Variants in AK5 observed in about 807,000 individuals in gnomAD.
AK5 encodes adenylate kinase 5, also known as adenylate kinase isoenzyme 5.
A neutral mutation model predicts 69.5 loss-of-function variants in AK5; 27 were observed. That is an observed-to-expected ratio of 0.39 (90% CI 0.29 to 0.54). The LOEUF (loss-of-function observed/expected upper bound fraction) is 0.54, where lower values mean the gene tolerates loss of function less well. AK5 is among the 20% of genes least tolerant of loss of function. AK5 has a pLI of 0.71. For missense variants in AK5, 531 were observed against 700.4 expected, an observed-to-expected ratio of 0.76 and a Z score of 2.73; for synonymous variants, 260 against 244.4, an observed-to-expected ratio of 1.06 and a Z score of -0.60.
At chr1:77,287,311 T>C (rs1167204) in intron 2 of AK5, among the ~76,000 whole-genome samples, 184 bp downstream of exon 2, 150,120 of 152,350 alleles carry the variant, frequency 0.99, 74,004 homozygotes, top group Middle Eastern at 1. Context: ...AACAAAATTA[T>C]CTACCATTGT....
chr1:77,321,148 T>C lies in AK5; in HGVS notation c.700-19229T>C, dbSNP rs80127162. On this transcript the variant is annotated intron_variant, in intron 5 of 13. Coordinates refer to ENST00000354567, the MANE Select transcript of AK5 (RefSeq NM_174858.3). Reference sequence around the variant, plus strand: ...GTGATTTTGAGTGTGTATGGTACATTCACCAAGATAAACCATTTACTAAGC... The same window carrying C: ...GTGATTTTGAGTGTGTATGGTACATCCACCAAGATAAACCATTTACTAAGC... Among the ~76,000 whole-genome samples, 1,172 of 152,214 alleles carry C rather than the reference T, an allele frequency of 7.7e-3. 17 individuals carry two copies. Among genetic ancestry groups the C allele is most frequent in the African/African-American group, 0.027 (1,117 of 41,532 alleles).
intron 6 of AK5, chr1:77,349,718 T>A (rs923085134): frequency 6.6e-6 from 1 of 152,224 alleles, no homozygotes; most frequent in Non-Finnish European, 1.5e-5. Context: ...AAGCACACAT[T>A]AGAAGTGAAG....
intron 8 of AK5, chr1:77,420,230 C>A (rs564499270): frequency 2.6e-5 from 4 of 151,872 alleles, no homozygotes; most frequent in African/African-American, 9.7e-5. Flanking sequence ...AATGGTATGC[C>A]CTCATTAAAG....
intron 13 of AK5, among the ~76,000 whole-genome samples, chr1:77,552,923 T>A (rs1659890124): frequency 6.6e-6 from 1 of 152,250 alleles, no homozygotes; most frequent in South Asian, 2.1e-4. Context: ...GCCTGTAGTC[T>A]CAGCTAATCA....
At position 77,444,158 on chromosome 1, in the gene AK5, TCTCTCA is replaced by T. The variant is rs1185868048; in HGVS notation, c.1059+26449_1059+26454del. ...AGTAACTGCTATTTTATTCTCTCTCTCTCTCACTCTCTCTCTATATATATGTCAGAT... is the reference window on the plus strand; with the variant it reads ...AGTAACTGCTATTTTATTCTCTCTCTCTCTCTCTCTATATATATGTCAGAT... On this transcript the variant is annotated intron_variant, in intron 8 of 13. Coordinates refer to ENST00000354567, the MANE Select transcript of AK5 (RefSeq NM_174858.3). Among the ~76,000 whole-genome samples the T allele has an allele frequency of 3.5e-3, 489 of 140,252 alleles. 4 individuals carry two copies. The highest frequency in any genetic ancestry group is 0.013 in the African/African-American group (467 of 35,484). 92.0% of individuals were successfully genotyped at this position (140,252 alleles called of 152,430 possible).
At chr1:77,426,984 A>AT (rs1256434927) in intron 8 of AK5, among the ~76,000 whole-genome samples, 1 of 152,152 alleles carries the variant, frequency 6.6e-6, no homozygotes, top group African/African-American at 2.4e-5. Context: ...AAAAGCAGTG[A>AT]TAATGGGGAA....
intron 5 of AK5, among the ~76,000 whole-genome samples, chr1:77,310,791 A>G (rs1471594071): frequency 2.0e-5 from 3 of 152,142 alleles, no homozygotes; most frequent in Non-Finnish European, 4.4e-5. Flanking sequence ...TATAGATTAT[A>G]TTATGTATAT....
intron 13 of AK5, 126 bp from the exon 14 acceptor site, chr1:77,558,476 T>TGG (rs1660243240): frequency 2.1e-6 from 1 of 476,226 alleles, no homozygotes; most frequent in Admixed American, 4.9e-5. Context: ...TCTCTGTGTT[T>TGG]TGGGGGGGGT....
chr1:77,545,219 C>T (rs561214928), intron 13 of AK5, among the ~76,000 whole-genome samples: 1 of 152,242 alleles, frequency 6.6e-6, no homozygotes. Flanking sequence ...TCACTTCCTC[C>T]TTTTCCTCCT....
intron 13 of AK5, among the ~76,000 whole-genome samples, chr1:77,537,395 G>T (rs1394274105): frequency 1.3e-5 from 2 of 152,146 alleles, no homozygotes; most frequent in African/African-American, 4.8e-5. Flanking sequence ...GCAAATAATT[G>T]TCCTCTGAGT....
At chr1:77,410,872 G>A in intron 6 of AK5, 109 bp from the exon 7 acceptor site, 1 of 808,666 alleles carries the variant, frequency 1.2e-6, no homozygotes, top group Non-Finnish European at 2.0e-6. Context: ...AATTCCTGTT[G>A]TTCTGCTTCA....
chr1:77,316,558 A>G (rs889582228), intron 5 of AK5, among the ~76,000 whole-genome samples: 3 of 152,200 alleles, frequency 2.0e-5, no homozygotes, highest in Non-Finnish European at 4.4e-5. Flanking sequence ...TGATTTGACA[A>G]ACTCATAATT....
chr1:77,288,617 C>A (rs1317209463), intron 2 of AK5, among the ~76,000 whole-genome samples: 1 of 152,048 alleles, frequency 6.6e-6, no homozygotes, highest in African/African-American at 2.4e-5. Context: ...AGAAACATCT[C>A]TAAAGAAAAG....
chr1:77,483,606 C>T (rs1167120745), intron 9 of AK5, among the ~76,000 whole-genome samples: 2 of 151,968 alleles, frequency 1.3e-5, no homozygotes, highest in Non-Finnish European at 2.9e-5. Flanking sequence ...AGAGGCTCAG[C>T]GAAAAGAGGA....
At chr1:77,365,044 A>G (rs1050579606) in intron 6 of AK5, among the ~76,000 whole-genome samples, 4 of 151,874 alleles carry the variant, frequency 2.6e-5, no homozygotes, top group Admixed American at 6.6e-5. Flanking sequence ...TGTTTTTTTT[A>G]TCTTTTGATA....
At chr1:77,464,646 G>A in intron 8 of AK5, among the ~76,000 whole-genome samples, 1 of 152,134 alleles carries the variant, frequency 6.6e-6, no homozygotes, top group East Asian at 1.9e-4. Flanking sequence ...GCAAAGATAA[G>A]CCTACGGGAT....
At chr1:77,447,680 A>T (rs752668404) in intron 8 of AK5, among the ~76,000 whole-genome samples, 1 of 152,260 alleles carries the variant, frequency 6.6e-6, no homozygotes, top group African/African-American at 2.4e-5. Flanking sequence ...ATCATTTGTG[A>T]TAACACAATA....
chr1:77,456,739 C>A (rs954153340), intron 8 of AK5, among the ~76,000 whole-genome samples: 8 of 152,214 alleles, frequency 5.3e-5, no homozygotes, highest in African/African-American at 1.9e-4. Context: ...GAAGGAGTGA[C>A]GTGCAGGGCA....
intron 5 of AK5, among the ~76,000 whole-genome samples, chr1:77,339,501 C>A (rs1391434792): frequency 6.6e-6 from 1 of 152,160 alleles, no homozygotes; most frequent in African/African-American, 2.4e-5. Context: ...AGGCCTTAGA[C>A]CAGACAGACT....
Sources: gnomAD v4.1 joint callset for allele counts (sites outside exome capture counted in the v4.1 genomes callset) on GRCh38, gnomAD v4.1.1 for gene constraint, MANE v1.5 for transcripts, NCBI Gene and HGNC (gene_info 2026-07-23, HGNC 2026-07-21) for gene names.